Variants in PRKCB observed in about 807,000 individuals in gnomAD.
PRKCB encodes the protein protein kinase C beta.
In PRKCB, 13 loss-of-function variants were observed where a neutral mutation model predicts 81.5. The ratio of observed to expected loss-of-function variants is 0.16; its 90% CI spans 0.10 to 0.25. PRKCB has a LOEUF of 0.25. Among genes scored for constraint, PRKCB ranks in the 10% least tolerant of loss-of-function variants. The pLI is 1.00. For missense variants in PRKCB, 509 were observed against 875.7 expected (o/e 0.58, Z 5.29); for synonymous variants, 335 against 321.4 (o/e 1.04, Z -0.45).
chr16:23,879,378 C>A (rs1366732539), intron 2 of PRKCB, among the ~76,000 whole-genome samples: 1 of 151,892 alleles, frequency 6.6e-6, no homozygotes, highest in Non-Finnish European at 1.5e-5. Flanking sequence ...CAGCAATACT[C>A]AACCTTGAGG....
At chr16:23,956,943 C>A (rs1467577854) in intron 2 of PRKCB, among the ~76,000 whole-genome samples, 1 of 29,606 alleles carries the variant, frequency 3.4e-5, no homozygotes, top group Non-Finnish European at 6.2e-5. Context: ...CTAACTCATA[C>A]AAAAATAAAT....
intron 5 of PRKCB, among the ~76,000 whole-genome samples, chr16:24,041,277 C>T (rs1965694553): frequency 2.0e-5 from 3 of 152,106 alleles, no homozygotes; most frequent in Admixed American, 2.0e-4. Flanking sequence ...TGGTCTCGAT[C>T]TCCTGACCTC....
intron 2 of PRKCB, among the ~76,000 whole-genome samples, chr16:23,890,420 C>G (rs1249575621): frequency 6.6e-6 from 1 of 152,166 alleles, no homozygotes; most frequent in African/African-American, 2.4e-5. Context: ...GAACAGGATG[C>G]CTTTGTTAGC....
At chr16:23,990,350 T>C (rs1196436919) in intron 3 of PRKCB, among the ~76,000 whole-genome samples, 4 of 151,352 alleles carry the variant, frequency 2.6e-5, no homozygotes, top group Non-Finnish European at 5.9e-5. Flanking sequence ...CCTAGCTCCT[T>C]GGGAGGCTGA....
chr16:24,101,408 A>G (rs1033316287), intron 7 of PRKCB, among the ~76,000 whole-genome samples: 2 of 152,144 alleles, frequency 1.3e-5, no homozygotes, highest in Admixed American at 1.3e-4. Flanking sequence ...GCATGGCGGC[A>G]TGCACCTGTG....
intron 2 of PRKCB, among the ~76,000 whole-genome samples, chr16:23,979,122 C>T (rs1293402661): frequency 6.6e-6 from 1 of 152,192 alleles, no homozygotes; most frequent in Non-Finnish European, 1.5e-5. Context: ...GCTAAGATAA[C>T]TCACTTATTC....
intron 2 of PRKCB, chr16:23,893,749 C>G (rs1963330446): frequency 6.6e-6 from 1 of 152,184 alleles, no homozygotes; most frequent in South Asian, 2.1e-4. Flanking sequence ...TCTTTTTCCA[C>G]AAAAGGATTT....
intron 5 of PRKCB, among the ~76,000 whole-genome samples, chr16:24,051,173 G>C (rs910507997): frequency 6.6e-6 from 1 of 152,196 alleles, no homozygotes; most frequent in Non-Finnish European, 1.5e-5. Context: ...TCCATGAAAG[G>C]CCACACAGGG....
At chr16:24,120,893 C>A (rs1239419856) in intron 8 of PRKCB, among the ~76,000 whole-genome samples, 2 of 152,118 alleles carry the variant, frequency 1.3e-5, no homozygotes, top group African/African-American at 4.8e-5. Context: ...ACCACCATGC[C>A]TGGCTCATCA....
chr16:24,200,004 G>A (rs2141985791), intron 16 of PRKCB, among the ~76,000 whole-genome samples: 1 of 152,312 alleles, frequency 6.6e-6, no homozygotes, highest in Non-Finnish European at 1.5e-5. Context: ...CAATTCAAAT[G>A]ATTTAAATTT....
chr16:24,162,625 A>AT (rs1345594301), intron 10 of PRKCB, among the ~76,000 whole-genome samples: 3 of 149,564 alleles, frequency 2.0e-5, no homozygotes, highest in Non-Finnish European at 4.5e-5. Flanking sequence ...ATTTTTTAAA[A>AT]TTTTTTTGTA....
intron 9 of PRKCB, among the ~76,000 whole-genome samples, chr16:24,125,981 G>A (rs1033967516): frequency 2.6e-5 from 4 of 152,222 alleles, no homozygotes; most frequent in Non-Finnish European, 4.4e-5. Flanking sequence ...GGTGGAGATG[G>A]AGAAGGAGAT....
At chr16:23,862,632 A>G (rs1252024080) in intron 2 of PRKCB, among the ~76,000 whole-genome samples, 1 of 152,084 alleles carries the variant, frequency 6.6e-6, no homozygotes, top group Non-Finnish European at 1.5e-5. Flanking sequence ...CTTGTTACCT[A>G]TGGAAAGGTT....
In PRKCB at chr16:24,032,342, T is replaced by C. The variant is rs1965560470; in HGVS notation, c.400+95T>C. 5.2e-6 allele frequency: 4 copies of C among 770,124 alleles called. No homozygotes were observed. The South Asian group carries it at 5.3e-5, about 10-fold the overall frequency. The allele number at this position is 770,124 out of a possible 1,614,324, so 47.7% of individuals were successfully genotyped here. A position where few individuals can be genotyped will look rare whatever the true frequency, so the allele number is the denominator to read the frequency against. Reference sequence around the variant, plus strand: ...TTTGGGGTCCAGGTCTGCCATACATTCCCCCCTGTCCTCGTTGGGGCTGGT... The same window carrying C: ...TTTGGGGTCCAGGTCTGCCATACATCCCCCCCTGTCCTCGTTGGGGCTGGT... On this transcript the variant is annotated intron_variant, in intron 4 of 16. Coordinates refer to ENST00000643927, the MANE Select transcript of PRKCB (RefSeq NM_002738.7).
chr16:23,936,457 G>C (rs1190622978), intron 2 of PRKCB, among the ~76,000 whole-genome samples: 2 of 152,100 alleles, frequency 1.3e-5, no homozygotes, highest in Non-Finnish European at 2.9e-5. Context: ...CTCTCACCCA[G>C]GTTGCAGTAC....
Position 23,919,954 on chromosome 16 carries a change from A to G in PRKCB, c.206-68554A>G, listed in dbSNP as rs577418744. Among the ~76,000 whole-genome samples the G allele has an allele frequency of 2.5e-3, 385 of 152,328 alleles. 1 individual carries two copies. Among genetic ancestry groups the G allele is most frequent in the African/African-American group, 8.8e-3 (367 of 41,574 alleles). On this transcript the variant is annotated intron_variant, in intron 2 of 16. Coordinates refer to ENST00000643927, the MANE Select transcript of PRKCB (RefSeq NM_002738.7). ...TTTGGCTATTGTGAATAATGCTGCT[A>G]TGAACAGGAGTGTACAAATATCTCT...
chr16:23,881,764 A>G (rs1356017779), intron 2 of PRKCB, among the ~76,000 whole-genome samples: 1 of 152,008 alleles, frequency 6.6e-6, no homozygotes, highest in Non-Finnish European at 1.5e-5. Context: ...ATTGTTGTGC[A>G]ACAGTTAGGA....
chr16:24,113,243 ACTTG>A (rs1966697472), intron 8 of PRKCB, among the ~76,000 whole-genome samples, 174 bp downstream of exon 8: 1 of 111,808 alleles, frequency 8.9e-6, no homozygotes, highest in Non-Finnish European at 1.7e-5. Flanking sequence ...TTTCTTGCTT[ACTTG>A]CTTGCTTTCT....
intron 4 of PRKCB, among the ~76,000 whole-genome samples, chr16:24,033,420 C>T (rs964916159): frequency 2.0e-5 from 3 of 152,132 alleles, no homozygotes; most frequent in Non-Finnish European, 4.4e-5. Context: ...TACAGAGAGA[C>T]TCAGCTAGAG....
Sources: gnomAD v4.1 joint callset for allele counts (sites outside exome capture counted in the v4.1 genomes callset) on GRCh38, gnomAD v4.1.1 for gene constraint, MANE v1.5 for transcripts, NCBI Gene and HGNC (gene_info 2026-07-23, HGNC 2026-07-21) for gene names.